Variants in SPATS2L observed in about 807,000 individuals in gnomAD.
The protein encoded by SPATS2L is SPATS2-like protein.
A neutral mutation model predicts 59.6 loss-of-function variants in SPATS2L; 30 were observed. That is an observed-to-expected ratio of 0.50 (90% CI 0.38 to 0.68). The LOEUF is 0.68. SPATS2L is among the 30% of genes least tolerant of loss of function. The probability of loss-of-function intolerance (pLI) is 0.00; values close to 1 mark genes in which losing one functional copy is unlikely to be tolerated. For missense variants in SPATS2L, 615 were observed against 700.0 expected, an observed-to-expected ratio of 0.88 and a Z score of 1.37; for synonymous variants, 252 against 263.5, an observed-to-expected ratio of 0.96 and a Z score of 0.42.
intron 2 of SPATS2L, among the ~76,000 whole-genome samples, chr2:200,362,094 A>G (rs184809896): frequency 6.6e-6 from 1 of 152,238 alleles, no homozygotes; most frequent in Non-Finnish European, 1.5e-5. Context: ...AAAAAAATAA[A>G]AAAATAGCTA....
At chr2:200,385,465 C>T (rs1359437287) in intron 2 of SPATS2L, among the ~76,000 whole-genome samples, 2 of 152,172 alleles carry the variant, frequency 1.3e-5, no homozygotes, top group Non-Finnish European at 2.9e-5. Flanking sequence ...AGCACTGTTT[C>T]ATTTTCATAG....
chr2:200,408,515 T>G (rs1176388865), intron 3 of SPATS2L, among the ~76,000 whole-genome samples: 2 of 152,116 alleles, frequency 1.3e-5, no homozygotes, highest in Admixed American at 1.3e-4. Flanking sequence ...GATTGAAAAC[T>G]TTGGTCAGAG....
At chr2:200,465,274 T>A (rs556406510) in intron 9 of SPATS2L, among the ~76,000 whole-genome samples, 1 of 152,308 alleles carries the variant, frequency 6.6e-6, no homozygotes, top group East Asian at 1.9e-4. Flanking sequence ...TGTAGGAAGG[T>A]TGACCAACTG....
chr2:200,307,018 G>C, intron 1 of SPATS2L, 96 bp downstream of exon 1: 1 of 955,066 alleles, frequency 1.0e-6, no homozygotes, highest in Non-Finnish European at 1.2e-6. Flanking sequence ...GACTCGGCTG[G>C]GCCGAGCATT....
At chr2:200,362,114 GCA>G (rs2081127433) in intron 2 of SPATS2L, among the ~76,000 whole-genome samples, 1 of 152,082 alleles carries the variant, frequency 6.6e-6, no homozygotes, top group Non-Finnish European at 1.5e-5. Context: ...AGGCATGGTG[GCA>G]CATGCCTGTA....
chr2:200,384,660 T>C (rs2081934982), intron 2 of SPATS2L, among the ~76,000 whole-genome samples: 2 of 152,210 alleles, frequency 1.3e-5, no homozygotes, highest in South Asian at 4.1e-4. Context: ...CTGTGGTTCA[T>C]AAATTTTATA....
At chr2:200,332,013 C>T (rs1473574744) in intron 2 of SPATS2L, among the ~76,000 whole-genome samples, 1 of 152,162 alleles carries the variant, frequency 6.6e-6, no homozygotes, top group Non-Finnish European at 1.5e-5. Flanking sequence ...GCTTTCCAGG[C>T]TTGATCAGTA....
chr2:200,459,945 T>C, intron 9 of SPATS2L, 118 bp downstream of exon 9: 1 of 775,878 alleles, frequency 1.3e-6, no homozygotes, highest in South Asian at 1.9e-5. Flanking sequence ...ATTGAAATTT[T>C]GGCTCATGAA....
At chr2:200,342,544 G>A (rs928730132) in intron 2 of SPATS2L, among the ~76,000 whole-genome samples, 1 of 152,206 alleles carries the variant, frequency 6.6e-6, no homozygotes, top group Admixed American at 6.5e-5. Flanking sequence ...TTCTCATTAT[G>A]TTCACACAAG....
intron 3 of SPATS2L, among the ~76,000 whole-genome samples, chr2:200,410,213 G>T (rs2082828993): frequency 6.6e-6 from 1 of 152,140 alleles, no homozygotes; most frequent in African/African-American, 2.4e-5. Context: ...TGAAATAAAT[G>T]CTAGATTTAA....
chr2:200,393,165 G>GA (rs1333624548), intron 3 of SPATS2L: 1 of 456,246 alleles, frequency 2.2e-6, no homozygotes, highest in East Asian at 6.9e-5. Context: ...AATATCTGTT[G>GA]AGATAGAACA....
rs1291719845 is a variant in SPATS2L at position 200,310,237 on chromosome 2, G to T, written c.-73+3315G>T. On this transcript the variant is annotated intron_variant, in intron 1 of 12. Coordinates refer to ENST00000409140, the MANE Select transcript of SPATS2L (RefSeq NM_001100423.2). Reference sequence around the variant, plus strand: ...TCTCTAAACTTCTTCCTTTTATGATGAAAAGACTTTCCTTTCTTGATCCGT... The same window carrying T: ...TCTCTAAACTTCTTCCTTTTATGATTAAAAGACTTTCCTTTCTTGATCCGT... Among the ~76,000 whole-genome samples the T allele has an allele frequency of 2.0e-5, 3 of 152,132 alleles. No individual in the cohort carries two copies. In the East Asian group the frequency reaches 5.8e-4, roughly 29 times the overall value.
chr2:200,399,440 T>C (rs1390678367), intron 3 of SPATS2L, among the ~76,000 whole-genome samples: 1 of 152,236 alleles, frequency 6.6e-6, no homozygotes, highest in Non-Finnish European at 1.5e-5. Context: ...CCACTGTGTA[T>C]ATATACCACA....
intron 2 of SPATS2L, among the ~76,000 whole-genome samples, chr2:200,384,859 G>GA (rs986930536): frequency 6.6e-6 from 1 of 151,900 alleles, no homozygotes; most frequent in Non-Finnish European, 1.5e-5. Flanking sequence ...CAATTTTTAG[G>GA]AAAAAAGTTT....
intron 2 of SPATS2L, among the ~76,000 whole-genome samples, chr2:200,359,240 T>C (rs920244778): frequency 6.6e-6 from 1 of 152,188 alleles, no homozygotes; most frequent in Admixed American, 6.5e-5. Context: ...TTCTTTCTAA[T>C]TGATGTTCAG....
chr2:200,409,737 A>G (rs2082809774), intron 3 of SPATS2L, among the ~76,000 whole-genome samples: 1 of 152,318 alleles, frequency 6.6e-6, no homozygotes, highest in East Asian at 1.9e-4. Flanking sequence ...TGTATCTGAT[A>G]TTCAGTTAGA....
At chr2:200,456,939 A>G (rs1172319690) in intron 8 of SPATS2L, among the ~76,000 whole-genome samples, 2 of 152,080 alleles carry the variant, frequency 1.3e-5, no homozygotes, top group African/African-American at 4.8e-5. Flanking sequence ...TATTTCCCCA[A>G]TGAGTCCTGG....
intron 4 of SPATS2L, 83 bp from the exon 5 acceptor site, chr2:200,416,296 T>A: frequency 1.1e-4 from 58 of 512,066 alleles, no homozygotes; most frequent in Non-Finnish European, 1.7e-4. Context: ...AAAAAGCTGC[T>A]ACCAAGATGG....
chr2:200,383,892 A>G lies in SPATS2L; in HGVS notation c.-22-5331A>G, dbSNP rs1387743810. 9.0e-6 allele frequency: 9 copies of G among 1,001,578 alleles called. No homozygotes were observed. The African/African-American group carries it at 1.0e-4, about 12-fold the overall frequency. The allele number at this position is 1,001,578 out of a possible 1,614,324, so 62.0% of individuals were successfully genotyped here. A position where few individuals can be genotyped will look rare whatever the true frequency, so the allele number is the denominator to read the frequency against. ...TTCAAGCAAAGTGATGTAATACCCAAGAACAGGAAAGTAAACCTAAGAGCA... is the reference window on the plus strand; with the variant it reads ...TTCAAGCAAAGTGATGTAATACCCAGGAACAGGAAAGTAAACCTAAGAGCA... On this transcript the variant is annotated intron_variant, in intron 2 of 12. Transcript: ENST00000409140.
Sources: allele counts gnomAD v4.1 joint callset (sites outside exome capture counted in the v4.1 genomes callset), GRCh38; gene constraint gnomAD v4.1.1; transcripts MANE v1.5; gene names NCBI Gene and HGNC (gene_info 2026-07-23, HGNC 2026-07-21).